DAB1: variants seen among roughly 807,000 people sequenced by gnomAD.
The protein encoded by DAB1 is disabled homolog 1.
Under a neutral mutation model 64.6 loss-of-function variants are expected in DAB1, and 15 were observed. The ratio of observed to expected loss-of-function variants is 0.23; its 90% CI spans 0.16 to 0.36. The LOEUF (loss-of-function observed/expected upper bound fraction) is 0.36. Among genes scored for constraint, DAB1 ranks in the 10% least tolerant of loss-of-function variants. DAB1 has a pLI of 1.00. For synonymous variants in DAB1, 235 were observed against 251.9 expected (o/e 0.93, Z 0.64); for missense variants, 596 against 706.7 (o/e 0.84, Z 1.78).
At chr1:57,680,136 C>G (rs940395386) in intron 6 of DAB1, among the ~76,000 whole-genome samples, 4 of 152,148 alleles carry the variant, frequency 2.6e-5, no homozygotes, top group African/African-American at 7.2e-5. Context: ...GAGAAAACAG[C>G]ACTAGGTGGC....
intron 7 of DAB1, among the ~76,000 whole-genome samples, chr1:57,587,705 G>T (rs550350835): frequency 6.6e-5 from 10 of 152,296 alleles, no homozygotes; most frequent in African/African-American, 2.4e-4. Context: ...ATCTAAGAGA[G>T]GTATGATTAT....
intron 6 of DAB1, among the ~76,000 whole-genome samples, chr1:57,723,404 T>C (rs1392002081): frequency 1.3e-5 from 2 of 152,364 alleles, no homozygotes; most frequent in East Asian, 3.9e-4. Context: ...CACAGCCTTA[T>C]GCCATTTGTC....
chr1:57,485,534 C>A (rs373214793), intron 7 of DAB1, among the ~76,000 whole-genome samples: 8 of 152,118 alleles, frequency 5.3e-5, no homozygotes, highest in African/African-American at 9.7e-5. Flanking sequence ...CACTGCCAAC[C>A]TTTTCTATCC....
At chr1:58,311,850 A>T (rs1484484373) in intron 4 of DAB1, among the ~76,000 whole-genome samples, 1 of 151,110 alleles carries the variant, frequency 6.6e-6, no homozygotes, top group Non-Finnish European at 1.5e-5. Flanking sequence ...ATAAATACAT[A>T]TTATATCTTT....
intron 1 of DAB1, among the ~76,000 whole-genome samples, chr1:57,853,113 T>C (rs1247887111): frequency 6.6e-6 from 1 of 152,162 alleles, no homozygotes; most frequent in East Asian, 1.9e-4. Context: ...AATTACAATC[T>C]GTTTCTTCCC....
At chr1:57,370,566 AAG>A (rs1680414101) in intron 1 of DAB1, among the ~76,000 whole-genome samples, 1 of 151,986 alleles carries the variant, frequency 6.6e-6, no homozygotes, top group African/African-American at 2.4e-5. Context: ...GAGGGAGAGA[AAG>A]AGAGAAAGAA....
At chr1:57,911,723 C>T (rs1644647731) in intron 5 of DAB1, among the ~76,000 whole-genome samples, 1 of 152,220 alleles carries the variant, frequency 6.6e-6, no homozygotes, top group South Asian at 2.1e-4. Context: ...ACTCCAACAT[C>T]AGCCTTCATA....
chr1:58,379,210 G>C (rs529027761), intron 3 of DAB1, among the ~76,000 whole-genome samples: 2 of 152,020 alleles, frequency 1.3e-5, no homozygotes, highest in South Asian at 4.2e-4. Flanking sequence ...CTCCCCCCCA[G>C]CTTACTATTT....
chr1:58,099,398 G>A (rs1175132767), intron 5 of DAB1, among the ~76,000 whole-genome samples: 1 of 152,216 alleles, frequency 6.6e-6, no homozygotes, highest in Admixed American at 6.5e-5. Context: ...ATGAGTGAGA[G>A]AATGAATGAA....
rs1645980939 is a variant in DAB1 at position 58,505,917 on chromosome 1, C to A, written n.257+143G>T. 4 of 523,798 alleles carry A rather than the reference C, an allele frequency of 7.6e-6. No homozygotes were observed. The East Asian group carries it at 1.2e-4, about 15-fold the overall frequency. The allele number at this position is 523,798 out of a possible 1,614,324, so 32.4% of individuals were successfully genotyped here. A position where few individuals can be genotyped will look rare whatever the true frequency, so the allele number is the denominator to read the frequency against. ...CAGAATTTTGCTTTTCAGTCAAATTCTGTGACAACTGATAATCCATAATTA... is the reference window on the plus strand; with the variant it reads ...CAGAATTTTGCTTTTCAGTCAAATTATGTGACAACTGATAATCCATAATTA... On this transcript the variant is annotated intron_variant and non_coding_transcript_variant, in intron 3 of 20. Coordinates refer to the DAB1 transcript ENST00000485760.
rs116125788 is a variant in DAB1, at chr1:58,051,004, C to T, written n.387+99507G>A. On this transcript the variant is annotated intron_variant and non_coding_transcript_variant, in intron 5 of 20. Transcript: ENST00000485760. ...TGATGTCTTACTCCATTTTGTATTG[C>T]TATAAAGGACGACTTGAGTCTGGGT... Among the ~76,000 whole-genome samples, 827 of 152,082 alleles carry T rather than the reference C, an allele frequency of 5.4e-3. 7 individuals carry two copies. The highest frequency in any genetic ancestry group is 0.019 in the African/African-American group (794 of 41,468).
At chr1:58,043,337 C>T (rs1647168218) in intron 5 of DAB1, among the ~76,000 whole-genome samples, 1 of 152,112 alleles carries the variant, frequency 6.6e-6, no homozygotes, top group South Asian at 2.1e-4. Context: ...CCTTTAGGTA[C>T]TATAAAAAAC....
At chr1:57,179,040 G>A (rs1028266831) in intron 2 of DAB1, among the ~76,000 whole-genome samples, 1 of 152,040 alleles carries the variant, frequency 6.6e-6, no homozygotes, top group Admixed American at 6.6e-5. Flanking sequence ...AGACTCTCAG[G>A]GAATCCACTA....
chr1:57,790,290 T>C (rs999212525), intron 6 of DAB1, among the ~76,000 whole-genome samples: 1 of 152,186 alleles, frequency 6.6e-6, no homozygotes, highest in Non-Finnish European at 1.5e-5. Flanking sequence ...TCACGAGATT[T>C]GATGCTTTTA....
At position 58,245,710 on chromosome 1, in the gene DAB1, A is replaced by C. The variant is rs1297677813; in HGVS notation, n.310-95122T>G. Among the ~76,000 whole-genome samples the C allele has an allele frequency of 2.6e-5, 4 of 152,210 alleles. No homozygotes were observed. The East Asian group carries it at 7.7e-4, about 29-fold the overall frequency. On this transcript the variant is annotated intron_variant and non_coding_transcript_variant, in intron 4 of 20. Coordinates refer to the DAB1 transcript ENST00000485760. ...TCTTTATCTGTAAAATAAGGATTAC[A>C]ACACCAGTCACATCGGGCTACTGTG...
intron 5 of DAB1, among the ~76,000 whole-genome samples, chr1:58,004,128 C>G (rs1646545942): frequency 6.6e-6 from 1 of 152,192 alleles, no homozygotes; most frequent in Non-Finnish European, 1.5e-5. Context: ...AGAAGTAACA[C>G]CTCACACTGC....
At chr1:57,433,056 C>A (rs972772882) in intron 7 of DAB1, among the ~76,000 whole-genome samples, 3 of 152,034 alleles carry the variant, frequency 2.0e-5, no homozygotes, top group African/African-American at 7.2e-5. Context: ...TTGATGAAAA[C>A]AACTAAAGAA....
Position 57,480,650 on chromosome 1 carries a change from A to G in DAB1, n.625+168942T>C, listed in dbSNP as rs1013610744. On this transcript the variant is annotated intron_variant and non_coding_transcript_variant, in intron 7 of 20. Coordinates refer to the DAB1 transcript ENST00000485760. Reference sequence around the variant, plus strand: ...CAGGCACATGCCACCATGCCTGGCTAATTTTTGTATTTTTAGTAGAGACAG... The same window carrying G: ...CAGGCACATGCCACCATGCCTGGCTGATTTTTGTATTTTTAGTAGAGACAG... Among the ~76,000 whole-genome samples the G allele has an allele frequency of 3.3e-5, 5 of 151,786 alleles. No individual in the cohort carries two copies. In the East Asian group the frequency reaches 9.8e-4, roughly 30 times the overall value.
At chr1:57,547,500 A>G (rs1644869166) in intron 7 of DAB1, among the ~76,000 whole-genome samples, 1 of 152,184 alleles carries the variant, frequency 6.6e-6, no homozygotes, top group African/African-American at 2.4e-5. Flanking sequence ...TTCTGCTAAG[A>G]TAGTAGGTAC....
Sources: allele counts gnomAD v4.1 joint callset (sites outside exome capture counted in the v4.1 genomes callset), GRCh38; gene constraint gnomAD v4.1.1; transcripts MANE v1.5; gene names NCBI Gene and HGNC (gene_info 2026-07-23, HGNC 2026-07-21).